The following PJA2 variants were observed in gnomAD, a reference collection of about 807,000 sequenced individuals.
The protein encoded by PJA2 is praja ring finger ubiquitin ligase 2.
PJA2 carries 25 observed loss-of-function variants against 69.3 expected under a neutral mutation model. The observed-to-expected ratio is 0.36, with a 90% CI of 0.26 to 0.50. The LOEUF is 0.50. Ranked by LOEUF, PJA2 falls within the 20% of genes least tolerant of loss-of-function variation. PJA2 has a pLI of 0.96. For synonymous variants in PJA2, 308 were observed against 277.8 expected (o/e 1.11, Z -1.08); for missense variants, 809 against 830.2 (o/e 0.97, Z 0.31).
At chr5:109,344,117 AAAAG>A in intron 9 of PJA2, 69 bp downstream of exon 9, 1 of 965,034 alleles carries the variant, frequency 1.0e-6, no homozygotes, top group Non-Finnish European at 1.4e-6. Flanking sequence ...AAAAAAAAAA[AAAAG>A]ATACTATTAT....
intron 4 of PJA2, among the ~76,000 whole-genome samples, chr5:109,374,493 T>C (rs1389300086): frequency 6.7e-6 from 1 of 148,712 alleles, no homozygotes; most frequent in Non-Finnish European, 1.5e-5. Context: ...TAAATACGTA[T>C]ATTTTGTCTT....
At chr5:109,398,934 CG>C (rs1747478133) in intron 1 of PJA2, among the ~76,000 whole-genome samples, 1 of 151,952 alleles carries the variant, frequency 6.6e-6, no homozygotes, top group Non-Finnish European at 1.5e-5. Context: ...GAAATGGGGC[CG>C]GGTGCAGGGC....
At position 109,357,548 on chromosome 5, in the gene PJA2, G is replaced by A. The variant is rs548119945; in HGVS notation, c.1653-1522C>T. ...CTCCCTCATCTAGCAGTAAGATGTA[G>A]TACAAAGAGAAAGAGCCTGTAACTG... On this transcript the variant is annotated intron_variant, in intron 6 of 9. Coordinates refer to ENST00000361189, the MANE Select transcript of PJA2 (RefSeq NM_014819.5). 3.3e-5 allele frequency among the ~76,000 whole-genome samples: 5 copies of A among 152,246 alleles called. No individual in the cohort carries two copies. The South Asian group carries it at 1.0e-3, about 32-fold the overall frequency.
chr5:109,340,905 G>A lies in PJA2; in HGVS notation c.2001+3285C>T, dbSNP rs1191302072. On this transcript the variant is annotated intron_variant, in intron 9 of 9. Coordinates refer to ENST00000361189, the MANE Select transcript of PJA2 (RefSeq NM_014819.5). ...GATCCGCCAACCTCGACCTCCCGAG[G>A]TGCCGGGATTGCAGACGGAGTCTCG... is the stretch of plus-strand genomic sequence containing the variant. Among the ~76,000 whole-genome samples the A allele has an allele frequency of 5.1e-3, 551 of 108,038 alleles. 2 individuals carry two copies. The highest frequency in any genetic ancestry group is 0.016 in the African/African-American group (516 of 32,916). The allele number at this position is 108,038 out of a possible 152,430, so 70.9% of individuals were successfully genotyped here.
At chr5:109,353,434 CTATA>C (rs1201216107) in intron 7 of PJA2, among the ~76,000 whole-genome samples, 2 of 47,416 alleles carry the variant, frequency 4.2e-5, no homozygotes, top group South Asian at 9.0e-4. Context: ...TATTAGATAC[CTATA>C]TATAGATATC....
At chr5:109,348,330 A>G (rs1582586434) in intron 7 of PJA2, among the ~76,000 whole-genome samples, 1 of 152,348 alleles carries the variant, frequency 6.6e-6, no homozygotes, top group East Asian at 1.9e-4. Flanking sequence ...GCCCTAAAAG[A>G]TGCTCTTGCT....
chr5:109,367,831 T>C (rs1231426229), intron 5 of PJA2, among the ~76,000 whole-genome samples: 1 of 152,154 alleles, frequency 6.6e-6, no homozygotes, highest in African/African-American at 2.4e-5. Context: ...AGGGCAAAAG[T>C]AAAAAACCAT....
chr5:109,391,421 T>C (rs910330981), intron 1 of PJA2, among the ~76,000 whole-genome samples: 1 of 152,122 alleles, frequency 6.6e-6, no homozygotes, highest in African/African-American at 2.4e-5. Flanking sequence ...TCTGCTTCTG[T>C]CTGTCTAAAA....
intron 5 of PJA2, 79 bp downstream of exon 5, chr5:109,368,482 T>C (rs6896931): frequency 0.025 from 31,411 of 1,270,566 alleles, 433 homozygotes; most frequent in African/African-American, 0.048. Flanking sequence ...ATACAATTAA[T>C]GGCATATCCA....
chr5:109,365,622 A>G (rs1416045285), intron 5 of PJA2, among the ~76,000 whole-genome samples: 1 of 152,162 alleles, frequency 6.6e-6, no homozygotes, highest in Non-Finnish European at 1.5e-5. Flanking sequence ...CTGTTTATCA[A>G]GAGAAGTTCA....
chr5:109,384,862 G>C (rs1233334676), intron 1 of PJA2, among the ~76,000 whole-genome samples: 2 of 152,160 alleles, frequency 1.3e-5, no homozygotes, highest in East Asian at 3.9e-4. Flanking sequence ...CTGTCGCCCA[G>C]GCTGGAGTGC....
At chr5:109,370,164 C>CT (rs1762653437) in intron 4 of PJA2, among the ~76,000 whole-genome samples, 1 of 150,880 alleles carries the variant, frequency 6.6e-6, no homozygotes, top group African/African-American at 2.4e-5. Context: ...TAAAATATTA[C>CT]TTATCAATGT....
chr5:109,358,610 A>C (rs963164478), intron 6 of PJA2, among the ~76,000 whole-genome samples: 1 of 152,170 alleles, frequency 6.6e-6, no homozygotes, highest in Non-Finnish European at 1.5e-5. Flanking sequence ...CTTTGAGCTC[A>C]GGAGTTCAAG....
rs1188909960 is a variant in PJA2, at chr5:109,368,760, G to T, written c.1284-14C>A. On this transcript the variant is annotated splice_polypyrimidine_tract_variant and intron_variant, in intron 4 of 9. Transcript: ENST00000361189. ...CTGCATTCAGAACTGCAAATCAGAA[G>T]AGAAATAAACTATCATAATGTGTTC... The T allele has an allele frequency of 1.2e-6, 2 of 1,606,514 alleles. No homozygotes were observed. The highest frequency in any genetic ancestry group is 1.3e-5 in the African/African-American group (1 of 74,550).
Position 109,362,885 on chromosome 5 carries a change from A to T in PJA2, c.1607T>A (p.Leu536Gln), listed in dbSNP as rs1762524213. 6.2e-7 allele frequency: 1 copy of T among 1,613,514 alleles called. No homozygotes were observed. Among genetic ancestry groups the T allele is most frequent in the Non-Finnish European group, 8.5e-7 (1 of 1,179,692 alleles). Residue 536 changes from leucine to glutamine, a missense_variant, in exon 6 of 10, where the codon CTG (leucine) becomes CAG (glutamine). Transcript: ENST00000361189. ...PAFMLDGNNNLEDDSSVSEDL... is the reference protein window; with the variant it reads ...PAFMLDGNNNQEDDSSVSEDL... ...TTCACTCACACTGGAGTCATCCTCC[A>T]GGTTATTGTTACCATCCAACATGAA...
intron 7 of PJA2, among the ~76,000 whole-genome samples, chr5:109,353,735 G>GACATCTATATATTAGATACCT (rs1360181614): frequency 2.1e-5 from 2 of 95,904 alleles, no homozygotes; most frequent in Non-Finnish European, 3.9e-5. Context: ...CCTATATCTA[G>GACATCTATATATTAGATACCT]ATATCTAGAT....
intron 7 of PJA2, among the ~76,000 whole-genome samples, chr5:109,354,025 A>C (rs1288307856): frequency 9.4e-6 from 1 of 106,392 alleles, no homozygotes; most frequent in Non-Finnish European, 2.4e-5. Flanking sequence ...GATATCTATG[A>C]TATCTAGAGA....
At chr5:109,340,621 TCCCCCTCCCCCTCCCCCTCCCCCTCCCC>T (rs1276765405) in intron 9 of PJA2, among the ~76,000 whole-genome samples, 93 of 7,448 alleles carry the variant, frequency 0.012, 31 homozygotes, top group African/African-American at 0.014. Context: ...ATTGGGTCCC[TCCCCCTCCCCCTCCCCCTCCCCCTCCCC>T]CTCCCCCTCC....
chr5:109,386,139 CAGATTT>C (rs1441378394), intron 1 of PJA2, among the ~76,000 whole-genome samples: 1 of 151,408 alleles, frequency 6.6e-6, no homozygotes, highest in African/African-American at 2.4e-5. Flanking sequence ...AAAAAAGTTT[CAGATTT>C]TGGAACATTT....
Sources: gnomAD v4.1 joint callset for allele counts (sites outside exome capture counted in the v4.1 genomes callset) on GRCh38, gnomAD v4.1.1 for gene constraint, MANE v1.5 for transcripts, NCBI Gene and HGNC (gene_info 2026-07-23, HGNC 2026-07-21) for gene names.